The following DDX24 variants were observed in gnomAD, a reference collection of about 807,000 sequenced individuals.
The protein encoded by DDX24 is ATP-dependent RNA helicase DDX24.
Under a neutral mutation model 68.9 loss-of-function variants are expected in DDX24, and 24 were observed. The ratio of observed to expected loss-of-function variants is 0.35; its 90% CI spans 0.25 to 0.49. The LOEUF is 0.49. Among genes scored for constraint, DDX24 ranks in the 20% least tolerant of loss-of-function variants. DDX24 has a pLI of 0.99. For synonymous variants in DDX24, 395 were observed against 385.2 expected (o/e 1.03, Z -0.30); for missense variants, 989 against 1,039.0 (o/e 0.95, Z 0.66).
chr14:94,051,184 T>G lies in DDX24; in HGVS notation c.*7A>C. The G allele has an allele frequency of 7.9e-7, 1 of 1,264,264 alleles. No individual in the cohort carries two copies. 78.3% of individuals were successfully genotyped at this position (1,264,264 alleles called of 1,614,324 possible). ...ACCAATGTGCAGTCACTGACACACT[T>G]GACCAGTTAATTTGCACTTGTACTT... On this transcript the variant is annotated 3_prime_UTR_variant, in exon 9 of 9. Coordinates refer to ENST00000621632, the MANE Select transcript of DDX24 (RefSeq NM_020414.4).
At position 94,062,130 on chromosome 14, in the gene DDX24, T is replaced by C; in HGVS notation, c.1210A>G (p.Lys404Glu). 1.9e-6 allele frequency: 3 copies of C among 1,613,740 alleles called. No homozygotes were observed. Among genetic ancestry groups the C allele is most frequent in the Non-Finnish European group, 2.5e-6 (3 of 1,179,756 alleles). The change falls in exon 3 of 9, where the codon AAA (lysine) becomes GAA (glutamate). Residue 404 changes from lysine to glutamate, a missense_variant. By Grantham distance (56) the Lys-to-Glu change is moderately conservative. This residue lies in a region of DDX24 where 691 missense variants were observed against 760.0 expected (regional missense o/e 0.91). Transcript: ENST00000621632. ...CTGGCCACAGCATCAATGTGCTGTT[T>C]GACCTGGACGGCCAGCTCTCGAGTG... ...TPTRELAVQV[K>E]QHIDAVARFT...
At chr14:94,054,903 C>T in intron 7 of DDX24, 93 bp downstream of exon 7, 1 of 1,405,376 alleles carries the variant, frequency 7.1e-7, no homozygotes, top group Non-Finnish European at 9.8e-7. Context: ...CCTTAGTTTT[C>T]AAGGGTTATG....
chr14:94,078,923 G>C, intron 2 of DDX24, 102 bp downstream of exon 2: 2 of 1,277,660 alleles, frequency 1.6e-6, no homozygotes, highest in Middle Eastern at 2.8e-4. Context: ...TTGCTTTTGT[G>C]GTTATGTTCT....
chr14:94,071,931 G>A (rs1240552973), intron 2 of DDX24, among the ~76,000 whole-genome samples: 1 of 152,124 alleles, frequency 6.6e-6, no homozygotes, highest in East Asian at 1.9e-4. Flanking sequence ...GGCAACAAGA[G>A]CGAAACTCCA....
chr14:94,074,320 TCAA>T (rs1885893148), intron 2 of DDX24, among the ~76,000 whole-genome samples: 1 of 152,072 alleles, frequency 6.6e-6, no homozygotes, highest in African/African-American at 2.4e-5. Flanking sequence ...TCAAAAATTC[TCAA>T]CAAAATTTTA....
chr14:94,054,671 A>G (rs569718826), intron 7 of DDX24, among the ~76,000 whole-genome samples: 7 of 152,312 alleles, frequency 4.6e-5, no homozygotes, highest in African/African-American at 1.4e-4. Flanking sequence ...TCAGCAGGAA[A>G]CACTAACCAC....
At position 94,051,074 on chromosome 14, in the gene DDX24, A is replaced by C; in HGVS notation, c.*117T>G. On this transcript the variant is annotated 3_prime_UTR_variant, in exon 9 of 9. Coordinates refer to ENST00000621632, the MANE Select transcript of DDX24 (RefSeq NM_020414.4). ...CTCTCCCGCTATGGGTGTGAGTGGA[A>C]GAGAGGGAGACTTTTTTACCTGGGG... is the stretch of plus-strand genomic sequence containing the variant. 7.8e-7 allele frequency: 1 copy of C among 1,276,322 alleles called. No homozygotes were observed. Among genetic ancestry groups the C allele is most frequent in the Non-Finnish European group, 1.1e-6 (1 of 939,834 alleles). 79.1% of individuals were successfully genotyped at this position (1,276,322 alleles called of 1,614,324 possible). A position where few individuals can be genotyped will look rare whatever the true frequency, so the allele number is the denominator to read the frequency against.
chr14:94,048,393 G>C lies in DDX24; in HGVS notation c.*2798C>G, dbSNP rs1885321345. The C allele has an allele frequency of 6.6e-6, 1 of 152,192 alleles. No individual in the cohort carries two copies. The highest frequency in any genetic ancestry group is 2.4e-5 in the African/African-American group (1 of 41,452). 9.4% of individuals were successfully genotyped at this position (152,192 alleles called of 1,614,324 possible). A position where few individuals can be genotyped will look rare whatever the true frequency, so the allele number is the denominator to read the frequency against. ...AAGAGCACAGTCCCTGCTTTTGACT[G>C]GGTTCCTATTTTAAGCACAAATGAG... On this transcript the variant is annotated 3_prime_UTR_variant, in exon 9 of 9. Coordinates refer to ENST00000621632, the MANE Select transcript of DDX24 (RefSeq NM_020414.4).
At chr14:94,080,616 C>T (rs777106078) in intron 1 of DDX24, among the ~76,000 whole-genome samples, 34 of 150,700 alleles carry the variant, frequency 2.3e-4, no homozygotes, top group Non-Finnish European at 4.1e-4. Context: ...TGACGCACGT[C>T]AAAAAAAACC....
intron 3 of DDX24, 113 bp from the exon 4 acceptor site, chr14:94,061,179 C>T (rs11846519): frequency 0.45 from 545,822 of 1,214,566 alleles, 128,090 homozygotes; most frequent in African/African-American, 0.79. Flanking sequence ...AGTGTAATGC[C>T]CTAGAGCATT....
At chr14:94,056,760 TA>T (rs1567057822) in intron 6 of DDX24, 1 of 152,192 alleles carries the variant, frequency 6.6e-6, no homozygotes, top group African/African-American at 2.4e-5. Flanking sequence ...GATCTGAGGC[TA>T]TCTCCAGGAA....
At chr14:94,057,801 T>C (rs1392718094) in intron 6 of DDX24, 21 bp downstream of exon 6, 1 of 1,612,532 alleles carries the variant, frequency 6.2e-7, no homozygotes, top group Non-Finnish European at 8.5e-7. Context: ...CAGATGCCTA[T>C]AAATTTTCAG....
chr14:94,073,775 G>A (rs112376857), intron 2 of DDX24, among the ~76,000 whole-genome samples: 12,087 of 152,034 alleles, frequency 0.08, 513 homozygotes, highest in Middle Eastern at 0.19. Flanking sequence ...CGGGTGTGGC[G>A]GCTCATGCTT....
rs992947294 is a variant in DDX24, at chr14:94,073,078, TTTC to T, written c.718+5944_718+5946del. On this transcript the variant is annotated intron_variant, in intron 2 of 8. Coordinates refer to ENST00000621632, the MANE Select transcript of DDX24 (RefSeq NM_020414.4). ...AAATAATCTCAGTAACTCAATTAAT[TTTC>T]TTTTCTTTTTTTTTTTTTTTTTGAG... 1.6e-4 allele frequency among the ~76,000 whole-genome samples: 22 copies of T among 136,884 alleles called. No individual in the cohort carries two copies. In the East Asian group the frequency reaches 2.3e-3, roughly 14 times the overall value. The allele number at this position is 136,884 out of a possible 152,430, so 89.8% of individuals were successfully genotyped here.
In DDX24 at chr14:94,079,177, G is replaced by A. The variant is rs764994941; in HGVS notation, c.566C>T (p.Ala189Val). The change falls in exon 2 of 9, where the codon GCA becomes GTA. Residue 189 changes from alanine (A) to valine (V), a missense_variant. Coordinates refer to ENST00000621632, the MANE Select transcript of DDX24 (RefSeq NM_020414.4). ...CAGGTCCTTCCAAGCTGACACATCT[G>A]CTTTCTGATCATGAACTTCAGGAAT... ...TWIPEVHDQK[A>V]DVSAWKDLFV... is the part of the protein sequence containing the mutation. 15 of 1,614,216 alleles carry A rather than the reference G, an allele frequency of 9.3e-6. No individual in the cohort carries two copies. Among genetic ancestry groups the A allele is most frequent in the African/African-American group, 6.7e-5 (5 of 75,052 alleles).
At chr14:94,054,915 T>A in intron 7 of DDX24, 81 bp downstream of exon 7, 1 of 1,484,474 alleles carries the variant, frequency 6.7e-7, no homozygotes, top group Non-Finnish European at 9.2e-7. Flanking sequence ...AGGGTTATGC[T>A]GCCAGAGTCC....
intron 2 of DDX24, among the ~76,000 whole-genome samples, chr14:94,069,564 A>G (rs1885786798): frequency 6.6e-6 from 1 of 152,176 alleles, no homozygotes; most frequent in Admixed American, 6.5e-5. Flanking sequence ...ACCAAAAAAG[A>G]AAACTACAGA....
intron 2 of DDX24, among the ~76,000 whole-genome samples, chr14:94,067,919 A>G (rs879407595): frequency 6.6e-6 from 1 of 152,232 alleles, no homozygotes; most frequent in Non-Finnish European, 1.5e-5. Context: ...CACAGGATGC[A>G]GACATACAAG....
At position 94,057,850 on chromosome 14, in the gene DDX24, G is replaced by A. The variant is rs201888790; in HGVS notation, c.1961C>T (p.Pro654Leu). 3 of 1,613,912 alleles carry A rather than the reference G, an allele frequency of 1.9e-6. No individual in the cohort carries two copies. In the African/African-American group the frequency reaches 4.0e-5, roughly 22 times the overall value. ...GTAATGGATGACATGCTGGACTTTAGGAATATCCAGACCCCGAGCTGCCAC... is the reference window on the plus strand; with the variant it reads ...GTAATGGATGACATGCTGGACTTTAAGAATATCCAGACCCCGAGCTGCCAC... ...TDVAARGLDI[P>L]KVQHVIHYQV... The change falls in exon 6 of 9, where the codon CCT becomes CTT. Residue 654 changes from proline (P) to leucine (L), a missense_variant. By Grantham distance (98) the Pro-to-Leu change is moderately conservative (BLOSUM62 -3). Around this residue, in one of 3 missense-constraint regions of DDX24, gnomAD observed 691 missense variants for 760.0 expected, o/e 0.91. Transcript: ENST00000621632.
Sources: allele counts gnomAD v4.1 joint callset (sites outside exome capture counted in the v4.1 genomes callset), GRCh38; gene constraint gnomAD v4.1.1; regional missense constraint gnomAD v4.1.1; transcripts MANE v1.5; gene names NCBI Gene and HGNC (gene_info 2026-07-23, HGNC 2026-07-21).